Variants in CHDH observed in about 807,000 individuals in gnomAD.
CHDH encodes the protein choline dehydrogenase, mitochondrial.
In CHDH, 43 loss-of-function variants were observed where a neutral mutation model predicts 56.9. The ratio of observed to expected loss-of-function variants is 0.76; its 90% CI spans 0.59 to 0.97. CHDH has a LOEUF of 0.97. Ranked by LOEUF, CHDH falls within the 50% of genes least tolerant of loss-of-function variation. The probability of loss-of-function intolerance (pLI) is 0.00; values close to 1 mark genes in which losing one functional copy is unlikely to be tolerated. For missense variants in CHDH, 816 were observed against 821.1 expected, an observed-to-expected ratio of 0.99 and a Z score of 0.08; for synonymous variants, 364 against 348.5, an observed-to-expected ratio of 1.04 and a Z score of -0.50.
At chr3:53,844,366 G>A (rs997580466) in intron 1 of CHDH, among the ~76,000 whole-genome samples, 3 of 152,056 alleles carry the variant, frequency 2.0e-5, no homozygotes, top group Admixed American at 1.3e-4. Flanking sequence ...TTTTGCCAAG[G>A]CTTCCTGTGA....
chr3:53,838,665 C>G (rs928629857), intron 2 of CHDH, among the ~76,000 whole-genome samples: 6 of 152,216 alleles, frequency 3.9e-5, no homozygotes, highest in Admixed American at 1.3e-4. Flanking sequence ...AAGCTCCCAC[C>G]TGGCAGAGCC....
At chr3:53,822,985 A>G (rs2095630730) in intron 3 of CHDH, among the ~76,000 whole-genome samples, 1 of 151,362 alleles carries the variant, frequency 6.6e-6, no homozygotes, top group Non-Finnish European at 1.5e-5. Context: ...GCCCTTCACC[A>G]CTCTGTGCCT....
chr3:53,821,716 T>G lies in CHDH; in HGVS notation c.916A>C (p.Met306Leu), dbSNP rs1415794876. ...GGAINSPQLL[M>L]LSGIGNADDL... ...TCAGCATTCCCGATGCCAGAGAGCATGAGCAGCTGTGGAGAGTTGATGGCA... is the reference window on the plus strand; with the variant it reads ...TCAGCATTCCCGATGCCAGAGAGCAGGAGCAGCTGTGGAGAGTTGATGGCA... The change falls in exon 5 of 9, where the codon ATG becomes CTG. Residue 306 changes from methionine (M) to leucine (L), a missense_variant. Transcript: ENST00000315251. The G allele has an allele frequency of 6.2e-7, 1 of 1,613,986 alleles. No individual in the cohort carries two copies. The highest frequency in any genetic ancestry group is 1.1e-5 in the South Asian group (1 of 91,072).
chr3:53,846,084 C>T lies in CHDH; in HGVS notation c.-132G>A, dbSNP rs918829290. 1 of 152,220 alleles carries T rather than the reference C, an allele frequency of 6.6e-6. No individual in the cohort carries two copies. Among genetic ancestry groups the T allele is most frequent in the Non-Finnish European group, 1.5e-5 (1 of 68,138 alleles). The allele number at this position is 152,220 out of a possible 1,614,324, so 9.4% of individuals were successfully genotyped here. A position where few individuals can be genotyped will look rare whatever the true frequency, so the allele number is the denominator to read the frequency against. ...CGGGGCGCCTCCGCGGCTACTCACC[C>T]GGGGCGACTCGGCCGAGAGCCCGAC... On this transcript the variant is annotated splice_region_variant and 5_prime_UTR_variant, in exon 1 of 9. Coordinates refer to ENST00000315251, the MANE Select transcript of CHDH (RefSeq NM_018397.5).
chr3:53,813,417 G>C lies in CHDH; in HGVS notation c.*4360C>G, dbSNP rs1405063650. The stretch of plus-strand genomic sequence containing the variant: ...TGTGCCAGGGCAGCTCTGAAATTAT[G>C]GATATTCTTATCCTCCTGGTTCCTT... On this transcript the variant is annotated 3_prime_UTR_variant, in exon 9 of 9. Transcript: ENST00000315251. 2 of 152,196 alleles carry C rather than the reference G, an allele frequency of 1.3e-5. No individual in the cohort carries two copies. Among genetic ancestry groups the C allele is most frequent in the Non-Finnish European group, 2.9e-5 (2 of 68,032 alleles). 9.4% of individuals were successfully genotyped at this position (152,196 alleles called of 1,614,324 possible).
At chr3:53,829,157 C>T (rs1017728845) in intron 2 of CHDH, among the ~76,000 whole-genome samples, 1 of 152,084 alleles carries the variant, frequency 6.6e-6, no homozygotes, top group Non-Finnish European at 1.5e-5. Flanking sequence ...GAAAAGGCTA[C>T]AAACCGTATG....
chr3:53,824,545 G>T (rs1351689906), intron 2 of CHDH, among the ~76,000 whole-genome samples: 1 of 152,172 alleles, frequency 6.6e-6, no homozygotes, highest in Non-Finnish European at 1.5e-5. Flanking sequence ...CCTGGGAAAA[G>T]GACAAGACTT....
rs1197724126 is a variant in CHDH, at chr3:53,819,140, A to AATCAGTGGGGAACAGATGCATGTTAG, written c.1264-126_1264-101dup. ...CTGTAGGGTGGGCCTCTGCTTCCAG[A>AATCAGTGGGGAACAGATGCATGTTAG]ATCAGTGGGGAACAGATGCATGTTA... On this transcript the variant is annotated intron_variant, in intron 7 of 8. Coordinates refer to ENST00000315251, the MANE Select transcript of CHDH (RefSeq NM_018397.5). This position sits in a 1 kb window ranked among gnomAD's most constrained non-coding sequence, Gnocchi z 5.4. The AATCAGTGGGGAACAGATGCATGTTAG allele has an allele frequency of 2.5e-6, 2 of 790,434 alleles. No homozygotes were observed. Among genetic ancestry groups the AATCAGTGGGGAACAGATGCATGTTAG allele is most frequent in the Non-Finnish European group, 4.2e-6 (2 of 477,350 alleles). 49.0% of individuals were successfully genotyped at this position (790,434 alleles called of 1,614,324 possible).
intron 2 of CHDH, among the ~76,000 whole-genome samples, chr3:53,829,991 C>A (rs1010382922): frequency 6.6e-6 from 1 of 152,112 alleles, no homozygotes; most frequent in African/African-American, 2.4e-5. Flanking sequence ...ATAACACTTA[C>A]AAGAGCACCA....
rs565978858 is a variant in CHDH at position 53,823,288 on chromosome 3, G to A, written c.703+18C>T. ...GTAGGGGGTAGTGCTTTTTTAAAAA[G>A]AGAAGGGAGACCACTACCTTCATGG... On this transcript the variant is annotated intron_variant, in intron 3 of 8. Coordinates refer to ENST00000315251, the MANE Select transcript of CHDH (RefSeq NM_018397.5). 24 of 1,500,936 alleles carry A rather than the reference G, an allele frequency of 1.6e-5. 1 individual carries two copies. In the South Asian group the frequency reaches 3.2e-4, roughly 20 times the overall value. The allele number at this position is 1,500,936 out of a possible 1,614,324, so 93.0% of individuals were successfully genotyped here.
chr3:53,816,131 A>ACCCCCCCCCCCCCCCCCC lies in CHDH; in HGVS notation c.*1645_*1646insGGGGGGGGGGGGGGGGGG, dbSNP rs202031062. ...CAGAAAACTAACTTGTGGCTGTCGG[A>ACCCCCCCCCCCCCCCCCC]CGCCCCCCCCCCCCGCCCCAGTCTG... On this transcript the variant is annotated 3_prime_UTR_variant, in exon 9 of 9. Transcript: ENST00000315251. The ACCCCCCCCCCCCCCCCCC allele has an allele frequency of 1.1e-5, 1 of 86,966 alleles. No homozygotes were observed. The highest frequency in any genetic ancestry group is 2.0e-5 in the Non-Finnish European group (1 of 50,546). 5.4% of individuals were successfully genotyped at this position (86,966 alleles called of 1,614,324 possible).
intron 2 of CHDH, among the ~76,000 whole-genome samples, chr3:53,834,925 C>T (rs1407557782): frequency 6.6e-6 from 1 of 152,244 alleles, no homozygotes; most frequent in Non-Finnish European, 1.5e-5. Flanking sequence ...CAGCCTAGTC[C>T]TGCATGCAAA....
chr3:53,836,014 C>T (rs1228616635), intron 2 of CHDH, among the ~76,000 whole-genome samples: 1 of 152,198 alleles, frequency 6.6e-6, no homozygotes, highest in Non-Finnish European at 1.5e-5. Flanking sequence ...AGTTCCCATG[C>T]CAGGGGTCTC....
rs951691990 is a variant in CHDH at position 53,823,696 on chromosome 3, A to G, written c.313T>C (p.Trp105Arg). Residue 105 changes from tryptophan (W) to arginine (R), a missense_variant, in exon 3 of 9, where the codon TGG becomes CGG. Trp to Arg is a moderately radical substitution (Grantham distance 101). Transcript: ENST00000315251. ...CGCTGCACCTCTGTGTGGTAGCACC[A>G]GTTGTACCTGTCGTCGCACAGGTTG... ...VANLCDDRYNWCYHTEVQRGL... is the reference protein window; with the variant it reads ...VANLCDDRYNRCYHTEVQRGL... 1.3e-6 allele frequency: 2 copies of G among 1,549,616 alleles called. No individual in the cohort carries two copies. The highest frequency in any genetic ancestry group is 1.7e-6 in the Non-Finnish European group (2 of 1,147,572).
Position 53,833,597 on chromosome 3 carries a change from G to A in CHDH, c.-60+7332C>T, listed in dbSNP as rs143937722. 4.6e-5 allele frequency among the ~76,000 whole-genome samples: 7 copies of A among 152,314 alleles called. No individual in the cohort carries two copies. In the East Asian group the frequency reaches 5.8e-4, roughly 13 times the overall value. On this transcript the variant is annotated intron_variant, in intron 2 of 8. Coordinates refer to ENST00000315251, the MANE Select transcript of CHDH (RefSeq NM_018397.5). ...AGCAGGGAAAAACAGGATAGCATGCGTGTTCATTTCCATGTGTTGGGGTCG... is the reference window on the plus strand; with the variant it reads ...AGCAGGGAAAAACAGGATAGCATGCATGTTCATTTCCATGTGTTGGGGTCG...
chr3:53,842,712 G>C (rs1276836652), intron 1 of CHDH, among the ~76,000 whole-genome samples: 2 of 152,204 alleles, frequency 1.3e-5, no homozygotes, highest in Admixed American at 1.3e-4. Context: ...TACTAGAGCA[G>C]AGAAAATGTG....
chr3:53,840,654 T>A (rs1046946323), intron 2 of CHDH, among the ~76,000 whole-genome samples: 3 of 152,196 alleles, frequency 2.0e-5, no homozygotes, highest in African/African-American at 7.2e-5. Context: ...CCCATCTCCA[T>A]CATCTCTTCT....
intron 2 of CHDH, among the ~76,000 whole-genome samples, chr3:53,838,369 C>T (rs919996833): frequency 1.3e-5 from 2 of 152,162 alleles, no homozygotes; most frequent in Non-Finnish European, 2.9e-5. Context: ...CTCAGGCTGG[C>T]CCCTGAGGAA....
chr3:53,841,646 A>G (rs1026848365), intron 1 of CHDH, among the ~76,000 whole-genome samples: 4 of 152,232 alleles, frequency 2.6e-5, no homozygotes, highest in Admixed American at 1.3e-4. Context: ...TAAGATTGCA[A>G]GGTGAGTGTT....
Sources: allele counts gnomAD v4.1 joint callset (sites outside exome capture counted in the v4.1 genomes callset), GRCh38; gene constraint gnomAD v4.1.1; non-coding constraint Gnocchi (gnomAD v3.1); transcripts MANE v1.5; gene names NCBI Gene and HGNC (gene_info 2026-07-23, HGNC 2026-07-21).